Variants in TRPM3 observed in about 807,000 individuals in gnomAD.
TRPM3 encodes the protein long transient receptor potential channel 3.
A neutral mutation model predicts 181.2 loss-of-function variants in TRPM3; 77 were observed. The observed-to-expected ratio is 0.42, with a 90% confidence interval of 0.35 to 0.51. TRPM3 has a LOEUF of 0.51. Among genes scored for constraint, TRPM3 ranks in the 20% least tolerant of loss-of-function variants. The pLI is 0.01. For synonymous variants in TRPM3, 745 were observed against 796.4 expected (o/e 0.94, Z 1.09); for missense variants, 1,759 against 2,196.7 (o/e 0.80, Z 3.98).
intron 9 of TRPM3, among the ~76,000 whole-genome samples, chr9:70,664,947 C>A (rs2061647685): frequency 6.6e-6 from 1 of 152,118 alleles, no homozygotes; most frequent in African/African-American, 2.4e-5. Flanking sequence ...ACCACACCGG[C>A]CTAGGAACGT....
At chr9:71,196,368 T>A (rs994037869) in intron 1 of TRPM3, among the ~76,000 whole-genome samples, 1 of 152,028 alleles carries the variant, frequency 6.6e-6, no homozygotes, top group Non-Finnish European at 1.5e-5. Flanking sequence ...GATTTTATCA[T>A]GAATCTACTC....
At chr9:70,611,144 TTC>T (rs1166460934) in intron 18 of TRPM3, among the ~76,000 whole-genome samples, 1 of 152,216 alleles carries the variant, frequency 6.6e-6, no homozygotes, top group Admixed American at 6.5e-5. Context: ...TGGGTTCAAA[TTC>T]TGTCTCTTCA....
chr9:70,737,903 A>G (rs182106963), intron 8 of TRPM3, among the ~76,000 whole-genome samples: 114 of 152,322 alleles, frequency 7.5e-4, no homozygotes, highest in Middle Eastern at 3.4e-3. Flanking sequence ...GAAATGAGAT[A>G]GACAGCAACA....
intron 5 of TRPM3, 65 bp from the exon 6 acceptor site, chr9:70,828,083 A>C: frequency 2.7e-6 from 4 of 1,466,820 alleles, no homozygotes; most frequent in Non-Finnish European, 3.8e-6. Flanking sequence ...GAAAAGGAGA[A>C]TCAGACAGAG....
chr9:70,757,072 C>T (rs1209188117), intron 8 of TRPM3, among the ~76,000 whole-genome samples: 1 of 151,698 alleles, frequency 6.6e-6, no homozygotes, highest in Non-Finnish European at 1.5e-5. Flanking sequence ...AAATGATCAA[C>T]AAAATAGACT....
chr9:70,668,678 A>G (rs971432698), intron 9 of TRPM3, among the ~76,000 whole-genome samples: 81 of 148,532 alleles, frequency 5.5e-4, no homozygotes, highest in Admixed American at 1.5e-3. Context: ...AAAAGAAAAA[A>G]AAAAAAAAAA....
At chr9:70,686,954 G>C (rs2067121080) in intron 8 of TRPM3, among the ~76,000 whole-genome samples, 1 of 150,726 alleles carries the variant, frequency 6.6e-6, no homozygotes, top group African/African-American at 2.4e-5. Flanking sequence ...CTGAATAGCT[G>C]GGGCTACAGG....
At chr9:71,293,168 A>C (rs1287624007) in intron 1 of TRPM3, among the ~76,000 whole-genome samples, 1 of 141,000 alleles carries the variant, frequency 7.1e-6, no homozygotes, top group African/African-American at 3.1e-5. Flanking sequence ...GGGTATCTAC[A>C]AAAAAAAACC....
intron 1 of TRPM3, among the ~76,000 whole-genome samples, chr9:71,149,742 G>A (rs1379824291): frequency 1.1e-4 from 16 of 152,138 alleles, no homozygotes; most frequent in Admixed American, 4.6e-4. Context: ...GGGAGGCTGA[G>A]GCGGATGGAT....
chr9:70,851,335 T>G (rs1390111978), intron 3 of TRPM3, among the ~76,000 whole-genome samples: 1 of 152,202 alleles, frequency 6.6e-6, no homozygotes, highest in East Asian at 1.9e-4. Context: ...GAGATTACAA[T>G]TCATACTAAA....
At chr9:71,285,571 C>A (rs1234397425) in intron 1 of TRPM3, among the ~76,000 whole-genome samples, 2 of 152,122 alleles carry the variant, frequency 1.3e-5, no homozygotes, top group African/African-American at 4.8e-5. Flanking sequence ...GCCCAGCACG[C>A]CCCAGTTTAA....
At chr9:70,842,453 T>C (rs2094736983) in intron 5 of TRPM3, among the ~76,000 whole-genome samples, 1 of 152,166 alleles carries the variant, frequency 6.6e-6, no homozygotes, top group Admixed American at 6.6e-5. Flanking sequence ...TATTGCATAA[T>C]AGAAAAAGTA....
At chr9:71,175,651 T>C (rs747615756) in intron 1 of TRPM3, among the ~76,000 whole-genome samples, 16 of 152,136 alleles carry the variant, frequency 1.1e-4, no homozygotes, top group Non-Finnish European at 2.2e-4. Flanking sequence ...TGAGTGGCTG[T>C]GCCATCACAG....
chr9:70,699,929 T>G (rs2071862303), intron 8 of TRPM3, among the ~76,000 whole-genome samples: 1 of 152,164 alleles, frequency 6.6e-6, no homozygotes, highest in South Asian at 2.1e-4. Flanking sequence ...CAAAGATGAC[T>G]CCAAGTTCTT....
intron 1 of TRPM3, among the ~76,000 whole-genome samples, chr9:71,057,971 C>A (rs1374810935): frequency 6.6e-6 from 1 of 151,976 alleles, no homozygotes; most frequent in Non-Finnish European, 1.5e-5. Context: ...CATTAAAATA[C>A]ATAAACATAC....
chr9:70,574,092 G>GCGCACACA (rs961733949), intron 22 of TRPM3, among the ~76,000 whole-genome samples: 98 of 119,176 alleles, frequency 8.2e-4, no homozygotes, highest in African/African-American at 2.7e-3. Flanking sequence ...ACACGCGCGC[G>GCGCACACA]CACACACACA....
At chr9:71,257,444 G>A (rs76714702) in intron 1 of TRPM3, among the ~76,000 whole-genome samples, 2 of 152,054 alleles carry the variant, frequency 1.3e-5, no homozygotes, top group Admixed American at 1.3e-4. Flanking sequence ...AAAATATAGC[G>A]ATTTCAGTGC....
rs865872127 is a variant in TRPM3, at chr9:71,318,854, A to C, written c.183+127799T>G. Among the ~76,000 whole-genome samples, 5 of 152,126 alleles carry C rather than the reference A, an allele frequency of 3.3e-5. No homozygotes were observed. The South Asian group carries it at 1.0e-3, about 32-fold the overall frequency. On this transcript the variant is annotated intron_variant, in intron 1 of 24. Coordinates refer to the TRPM3 transcript ENST00000357533. ...GACATCTGAAACCAGCACCACAATC[A>C]AGCTAACGAACATTTGCATTGCCCC...
intron 1 of TRPM3, among the ~76,000 whole-genome samples, chr9:71,048,062 C>G (rs1403663136): frequency 6.6e-6 from 1 of 152,170 alleles, no homozygotes; most frequent in Non-Finnish European, 1.5e-5. Context: ...GATATATACT[C>G]TAGCATATTA....
Sources: gnomAD v4.1 joint callset for allele counts (sites outside exome capture counted in the v4.1 genomes callset) on GRCh38, gnomAD v4.1.1 for gene constraint, MANE v1.5 for transcripts, NCBI Gene and HGNC (gene_info 2026-07-23, HGNC 2026-07-21) for gene names.